Variants in CNTNAP4 observed in about 807,000 individuals in gnomAD.
CNTNAP4 encodes contactin-associated protein-like 4.
Under a neutral mutation model 148.4 loss-of-function variants are expected in CNTNAP4, and 98 were observed. The ratio of observed to expected loss-of-function variants is 0.66; its 90% confidence interval spans 0.56 to 0.78. The LOEUF (loss-of-function observed/expected upper bound fraction) is 0.78. CNTNAP4 is among the 30% of genes least tolerant of loss of function. CNTNAP4 has a pLI of 0.00. For synonymous variants in CNTNAP4, 730 were observed against 565.1 expected, an observed-to-expected ratio of 1.29 and a Z score of -4.14; for missense variants, 1,935 against 1,565.6, an observed-to-expected ratio of 1.24 and a Z score of -3.98.
At chr16:76,368,630 TATG>T (rs1465163784) in intron 3 of CNTNAP4, among the ~76,000 whole-genome samples, 1 of 151,656 alleles carries the variant, frequency 6.6e-6, no homozygotes, top group Non-Finnish European at 1.5e-5. Context: ...AATGAGAACA[TATG>T]GGCACAGGGA....
At chr16:76,355,926 T>A (rs12595966) in intron 3 of CNTNAP4, among the ~76,000 whole-genome samples, 19,867 of 151,298 alleles carry the variant, frequency 0.13, 2,016 homozygotes, top group East Asian at 0.48. Flanking sequence ...CCCAGGCTGG[T>A]TGCAGTGGCG....
chr16:76,470,052 A>C (rs1027655743), intron 10 of CNTNAP4, among the ~76,000 whole-genome samples: 1 of 152,196 alleles, frequency 6.6e-6, no homozygotes, highest in African/African-American at 2.4e-5. Flanking sequence ...ATGAATGAGC[A>C]TTTAAATCAA....
chr16:76,470,565 G>T (rs182615845), intron 10 of CNTNAP4, among the ~76,000 whole-genome samples: 1 of 148,746 alleles, frequency 6.7e-6, no homozygotes, highest in Non-Finnish European at 1.5e-5. Flanking sequence ...CAGGAGAATC[G>T]CTTGAACCCG....
Position 76,539,871 on chromosome 16 carries a change from C to A in CNTNAP4, c.3354+19C>A. 1 of 1,533,088 alleles carries A rather than the reference C, an allele frequency of 6.5e-7. No individual in the cohort carries two copies. The highest frequency in any genetic ancestry group is 8.8e-7 in the Non-Finnish European group (1 of 1,142,216). The allele number at this position is 1,533,088 out of a possible 1,614,324, so 95.0% of individuals were successfully genotyped here. A position where few individuals can be genotyped will look rare whatever the true frequency, so the allele number is the denominator to read the frequency against. On this transcript the variant is annotated intron_variant, in intron 20 of 23. Transcript: ENST00000611870. ...TATAGAGGTAATGTAGTAAATTCAG[C>A]AGAAGCAATCATTTTAATGACTCTC...
intron 10 of CNTNAP4, among the ~76,000 whole-genome samples, chr16:76,474,880 C>A (rs534860009): frequency 6.6e-6 from 1 of 151,964 alleles, no homozygotes; most frequent in Non-Finnish European, 1.5e-5. Flanking sequence ...AACTTAGGAG[C>A]CTTTTGAAAA....
Position 76,307,517 on chromosome 16 carries a change from T to TATATATATATATATA in CNTNAP4, c.86-8895_86-8881dup, listed in dbSNP as rs1555518818. Among the ~76,000 whole-genome samples, 42 of 116,318 alleles carry TATATATATATATATA rather than the reference T, an allele frequency of 3.6e-4. 1 individual carries two copies. The East Asian group carries it at 0.012, about 33-fold the overall frequency. The allele number at this position is 116,318 out of a possible 152,430, so 76.3% of individuals were successfully genotyped here. ...TATTTTAAATGCATATATATATATA[T>TATATATATATATATA]ATATATATATATATATATATATACC... is the stretch of plus-strand genomic sequence containing the variant. On this transcript the variant is annotated intron_variant, in intron 1 of 23. Transcript: ENST00000611870.
chr16:76,486,806 G>C (rs1341424591), intron 12 of CNTNAP4, among the ~76,000 whole-genome samples: 4 of 152,066 alleles, frequency 2.6e-5, no homozygotes, highest in Non-Finnish European at 5.9e-5. Flanking sequence ...GGCACCCTCT[G>C]TAAGCCCAAG....
chr16:76,491,115 T>G (rs575777870), intron 13 of CNTNAP4, among the ~76,000 whole-genome samples: 1 of 152,326 alleles, frequency 6.6e-6, no homozygotes, highest in East Asian at 1.9e-4. Context: ...CCCCTGTGAC[T>G]GACTGCCCCC....
chr16:76,503,591 C>G (rs1372761337), intron 15 of CNTNAP4, among the ~76,000 whole-genome samples: 1 of 152,116 alleles, frequency 6.6e-6, no homozygotes, highest in Non-Finnish European at 1.5e-5. Context: ...AGGTTTGTTA[C>G]ATACGTATAC....
At chr16:76,454,471 A>T (rs995110550) in intron 8 of CNTNAP4, among the ~76,000 whole-genome samples, 1 of 152,206 alleles carries the variant, frequency 6.6e-6, no homozygotes, top group Non-Finnish European at 1.5e-5. Context: ...TTATGACATC[A>T]TCTGACTTGG....
At chr16:76,552,808 C>A (rs138995568) in intron 21 of CNTNAP4, among the ~76,000 whole-genome samples, 1 of 152,124 alleles carries the variant, frequency 6.6e-6, no homozygotes, top group Admixed American at 6.5e-5. Context: ...AACAAATTGT[C>A]GGGTTGGGCA....
At chr16:76,350,767 A>G (rs1033404958) in intron 2 of CNTNAP4, among the ~76,000 whole-genome samples, 1 of 152,246 alleles carries the variant, frequency 6.6e-6, no homozygotes, top group Non-Finnish European at 1.5e-5. Flanking sequence ...TCATAACAAT[A>G]CTACAGCATT....
intron 3 of CNTNAP4, among the ~76,000 whole-genome samples, chr16:76,361,040 G>C (rs980063059): frequency 4.0e-5 from 6 of 151,590 alleles, no homozygotes; most frequent in African/African-American, 1.2e-4. Flanking sequence ...AGCCAGGATG[G>C]CCTCGATTTG....
chr16:76,386,489 T>A (rs981388999), intron 3 of CNTNAP4, among the ~76,000 whole-genome samples: 34 of 152,352 alleles, frequency 2.2e-4, no homozygotes, highest in African/African-American at 8.2e-4. Context: ...ATTGCCTTTA[T>A]GCTTACTCCA....
chr16:76,540,240 G>T (rs114638272), intron 20 of CNTNAP4, among the ~76,000 whole-genome samples: 1,886 of 152,098 alleles, frequency 0.012, 31 homozygotes, highest in African/African-American at 0.043. Flanking sequence ...AAAGAAAATG[G>T]AATTATTCAT....
chr16:76,289,343 T>C (rs1478126859), intron 1 of CNTNAP4, among the ~76,000 whole-genome samples: 1 of 152,198 alleles, frequency 6.6e-6, no homozygotes, highest in Non-Finnish European at 1.5e-5. Context: ...GTCTTTTGTA[T>C]TGGTTTTTAT....
At chr16:76,403,564 G>A (rs115580324) in intron 3 of CNTNAP4, among the ~76,000 whole-genome samples, 6,310 of 152,244 alleles carry the variant, frequency 0.041, 463 homozygotes, top group African/African-American at 0.15. Context: ...TGATGAGGTT[G>A]CAGAGAAAAG....
chr16:76,295,889 C>T (rs1226072063), intron 1 of CNTNAP4, among the ~76,000 whole-genome samples: 4 of 152,150 alleles, frequency 2.6e-5, no homozygotes, highest in Non-Finnish European at 4.4e-5. Context: ...GCAATCTCAG[C>T]TCACTGCAGC....
intron 17 of CNTNAP4, among the ~76,000 whole-genome samples, chr16:76,522,672 TTCTC>T (rs888098643): frequency 1.0e-5 from 1 of 97,718 alleles, no homozygotes; most frequent in Non-Finnish European, 2.2e-5. Flanking sequence ...CTTTCCTTCT[TTCTC>T]TCTTTCTCTC....
Sources: allele counts gnomAD v4.1 joint callset (sites outside exome capture counted in the v4.1 genomes callset), GRCh38; gene constraint gnomAD v4.1.1; transcripts MANE v1.5; gene names NCBI Gene and HGNC (gene_info 2026-07-23, HGNC 2026-07-21).